BCAS3: variants seen among roughly 807,000 people sequenced by gnomAD.
The protein encoded by BCAS3 is BCAS4/BCAS3 fusion.
Under a neutral mutation model 116.1 loss-of-function variants are expected in BCAS3, and 53 were observed. That is an observed-to-expected ratio of 0.46 (90% CI 0.37 to 0.57). BCAS3 has a LOEUF of 0.57. Among genes scored for constraint, BCAS3 ranks in the 20% least tolerant of loss-of-function variants. BCAS3 has a pLI of 0.00. For missense variants in BCAS3, 917 were observed against 1,165.4 expected (o/e 0.79, Z 3.10); for synonymous variants, 391 against 408.2 (o/e 0.96, Z 0.51).
intron 10 of BCAS3, among the ~76,000 whole-genome samples, chr17:60,894,799 C>CT (rs1231150696): frequency 6.6e-6 from 1 of 152,070 alleles, no homozygotes; most frequent in Non-Finnish European, 1.5e-5. Flanking sequence ...TTATTAAATG[C>CT]TTTTTCTTGT....
chr17:61,008,198 T>G lies in BCAS3; in HGVS notation c.1487-7553T>G, dbSNP rs1346460558. Among the ~76,000 whole-genome samples, 1 of 151,988 alleles carries G rather than the reference T, an allele frequency of 6.6e-6. No individual in the cohort carries two copies. The highest frequency in any genetic ancestry group is 1.5e-5 in the Non-Finnish European group (1 of 67,964). ...GGTGCTGCTGTTTCCTTTTCCGACT[T>G]GAGTAGATTGCAGATTATACTGGAA... On this transcript the variant is annotated intron_variant, in intron 15 of 23. Transcript: ENST00000407086. This position sits in a 1 kb window ranked among gnomAD's most constrained non-coding sequence, Gnocchi z 4.6.
rs1461230768 is a variant in BCAS3 at position 61,007,292 on chromosome 17, G to A, written c.1487-8459G>A. On this transcript the variant is annotated intron_variant, in intron 15 of 23. Transcript: ENST00000407086. This position sits in a 1 kb window ranked among gnomAD's most constrained non-coding sequence, Gnocchi z 4.3. ...AAGTTTTCAATATTCCTTGTTCTAG[G>A]CCCACCTTGTTACCTTTTGGAGTTG... is the stretch of plus-strand genomic sequence containing the variant. Among the ~76,000 whole-genome samples the A allele has an allele frequency of 4.6e-5, 7 of 151,804 alleles. No individual in the cohort carries two copies. Among genetic ancestry groups the A allele is most frequent in the East Asian group, 3.9e-4 (2 of 5,164 alleles).
intron 22 of BCAS3, among the ~76,000 whole-genome samples, chr17:61,163,568 T>C (rs2078296589): frequency 6.6e-6 from 1 of 152,220 alleles, no homozygotes; most frequent in Non-Finnish European, 1.5e-5. Context: ...AATTACAGTA[T>C]GTTTTTCCAG....
At position 61,132,222 on chromosome 17, in the gene BCAS3, A is replaced by G. The variant is rs998079588; in HGVS notation, c.2425+47658A>G. On this transcript the variant is annotated intron_variant, in intron 22 of 23. Coordinates refer to ENST00000407086, the MANE Select transcript of BCAS3 (RefSeq NM_017679.5). The surrounding 1 kb of genome is among the most constrained non-coding windows in gnomAD (Gnocchi z 5.1). ...TACCTTCCCTTCTTCTTATTTTTAC[A>G]AGACAGAATGCCAGCAGAAAAAAAC... is the stretch of plus-strand genomic sequence containing the variant. Among the ~76,000 whole-genome samples the G allele has an allele frequency of 6.6e-6, 1 of 152,210 alleles. No homozygotes were observed. Among genetic ancestry groups the G allele is most frequent in the African/African-American group, 2.4e-5 (1 of 41,448 alleles).
At chr17:61,052,715 C>CTTTTTTTTT (rs60772345) in intron 19 of BCAS3, among the ~76,000 whole-genome samples, 23 of 124,924 alleles carry the variant, frequency 1.8e-4, no homozygotes, top group East Asian at 7.0e-4. Flanking sequence ...TTCTTTCTTT[C>CTTTTTTTTT]TTTTTTTTTT....
chr17:61,015,689 A>C, intron 15 of BCAS3, 62 bp from the exon 16 acceptor site: 1 of 1,538,136 alleles, frequency 6.5e-7, no homozygotes, highest in Non-Finnish European at 9.0e-7. Flanking sequence ...CCTATCGGAG[A>C]TAGAGAACGG....
chr17:61,353,597 G>A (rs1180342592), intron 22 of BCAS3: 1 of 152,372 alleles, frequency 6.6e-6, no homozygotes, highest in African/African-American at 2.4e-5. Context: ...GGGGTGTTGT[G>A]AGGATTCATG....
At chr17:60,798,354 G>A (rs902608773) in intron 6 of BCAS3, among the ~76,000 whole-genome samples, 8 of 152,132 alleles carry the variant, frequency 5.3e-5, no homozygotes, top group Admixed American at 5.2e-4. Context: ...TCTGTGCTCT[G>A]CTTATTCATG....
chr17:60,888,366 A>G (rs2056883914), intron 9 of BCAS3, among the ~76,000 whole-genome samples: 1 of 152,198 alleles, frequency 6.6e-6, no homozygotes, highest in African/African-American at 2.4e-5. Context: ...GTCTAATGTA[A>G]CACCACTGTT....
In BCAS3 at chr17:60,704,400, T is replaced by C. The variant is rs566342480; in HGVS notation, c.215-4819T>C. On this transcript the variant is annotated intron_variant, in intron 4 of 23. Transcript: ENST00000407086. Reference sequence around the variant, plus strand: ...TATAATGCTGCTAACCCCTGAGCCTTGGAGGGAAAAGATAAACAGCAGCTG... The same window carrying C: ...TATAATGCTGCTAACCCCTGAGCCTCGGAGGGAAAAGATAAACAGCAGCTG... Among the ~76,000 whole-genome samples the C allele has an allele frequency of 2.0e-5, 3 of 152,282 alleles. No individual in the cohort carries two copies. The East Asian group carries it at 5.8e-4, about 29-fold the overall frequency.
chr17:60,769,844 C>T (rs1187707260), intron 6 of BCAS3, among the ~76,000 whole-genome samples: 7 of 151,692 alleles, frequency 4.6e-5, no homozygotes, highest in Admixed American at 6.6e-5. Context: ...GTGTGATCTC[C>T]GCTCACTGCA....
chr17:60,759,630 C>CTTTTTTTTTTT, intron 6 of BCAS3, among the ~76,000 whole-genome samples: 1 of 25,304 alleles, frequency 4.0e-5, no homozygotes, highest in African/African-American at 4.6e-5. Context: ...ATAGTGACTT[C>CTTTTTTTTTTT]TTTTTTTTTT....
chr17:60,782,567 A>G (rs1306461317), intron 6 of BCAS3, among the ~76,000 whole-genome samples: 1 of 81,544 alleles, frequency 1.2e-5, no homozygotes, highest in African/African-American at 6.4e-5. Context: ...ATAAGTTATT[A>G]TTATTATTAT....
At chr17:60,845,070 A>G (rs1033075078) in intron 7 of BCAS3, among the ~76,000 whole-genome samples, 2 of 152,196 alleles carry the variant, frequency 1.3e-5, no homozygotes, top group African/African-American at 4.8e-5. Context: ...TCTCTACTAA[A>G]AATACAAAAA....
At chr17:60,699,862 CAAAAAAAAA>C (rs34153475) in intron 4 of BCAS3, among the ~76,000 whole-genome samples, 1 of 68,506 alleles carries the variant, frequency 1.5e-5, no homozygotes, top group African/African-American at 3.7e-5. Context: ...GACTCCGTCT[CAAAAAAAAA>C]AAAAAAAAAA....
At chr17:61,386,084 G>A (rs976014893) in intron 23 of BCAS3, among the ~76,000 whole-genome samples, 1 of 152,214 alleles carries the variant, frequency 6.6e-6, no homozygotes, top group Non-Finnish European at 1.5e-5. Context: ...GAAGCGTTAA[G>A]CACTTTGTGA....
At position 61,128,031 on chromosome 17, in the gene BCAS3, A is replaced by G. The variant is rs1333133430; in HGVS notation, c.2425+43467A>G. 1 of 230,866 alleles carries G rather than the reference A, an allele frequency of 4.3e-6. No homozygotes were observed. The highest frequency in any genetic ancestry group is 7.1e-6 in the Non-Finnish European group (1 of 140,324). 14.3% of individuals were successfully genotyped at this position (230,866 alleles called of 1,614,324 possible). On this transcript the variant is annotated intron_variant, in intron 22 of 23. Transcript: ENST00000407086. This position sits in a 1 kb window ranked among gnomAD's most constrained non-coding sequence, Gnocchi z 4.1. ...CTTTGGGGAAGACATTCAGCAAAGA[A>G]CACCACAATTCCCATTGAGCTCAGA...
At chr17:60,992,266 T>C (rs1280480412) in intron 15 of BCAS3, among the ~76,000 whole-genome samples, 1 of 150,712 alleles carries the variant, frequency 6.6e-6, no homozygotes, top group Non-Finnish European at 1.5e-5. Flanking sequence ...TGAAAAAATA[T>C]AGGTAAATGT....
chr17:60,818,462 A>G (rs1216856237), intron 7 of BCAS3, among the ~76,000 whole-genome samples: 1 of 152,200 alleles, frequency 6.6e-6, no homozygotes, highest in Non-Finnish European at 1.5e-5. Flanking sequence ...AATTAGAAGT[A>G]GAAGCATATT....
Sources: allele counts gnomAD v4.1 joint callset (sites outside exome capture counted in the v4.1 genomes callset), GRCh38; gene constraint gnomAD v4.1.1; non-coding constraint Gnocchi (gnomAD v3.1); transcripts MANE v1.5; gene names NCBI Gene and HGNC (gene_info 2026-07-23, HGNC 2026-07-21).